The following ADGRL2 variants were observed in gnomAD, a reference collection of about 807,000 sequenced individuals.
ADGRL2 encodes the protein calcium-independent alpha-latrotoxin receptor 2.
ADGRL2 carries 44 observed loss-of-function variants against 157.4 expected under a neutral mutation model. That is an observed-to-expected ratio of 0.28 (90% CI 0.22 to 0.36). The LOEUF is 0.36. ADGRL2 is among the 10% of genes least tolerant of loss of function. The pLI, the probability that ADGRL2 is intolerant of heterozygous loss-of-function variation, is 1.00. For synonymous variants in ADGRL2, 585 were observed against 624.7 expected (o/e 0.94, Z 0.95); for missense variants, 1,510 against 1,768.9 (o/e 0.85, Z 2.63).
intron 2 of ADGRL2, among the ~76,000 whole-genome samples, chr1:81,489,144 G>A (rs1037501934): frequency 1.1e-4 from 16 of 152,184 alleles, no homozygotes; most frequent in African/African-American, 3.9e-4. Flanking sequence ...GGCTGAGGCA[G>A]GAGAATCACT....
chr1:81,430,024 G>C (rs2077291508), intron 1 of ADGRL2, among the ~76,000 whole-genome samples: 1 of 152,150 alleles, frequency 6.6e-6, no homozygotes, highest in African/African-American at 2.4e-5. Flanking sequence ...CTCCCGAGTA[G>C]CTGGGATTAC....
At chr1:81,662,501 C>T (rs1341443310) in intron 3 of ADGRL2, among the ~76,000 whole-genome samples, 11 of 151,506 alleles carry the variant, frequency 7.3e-5, no homozygotes, top group Non-Finnish European at 1.3e-4. Flanking sequence ...GCCTTGGCCT[C>T]CCAAAGTGCT....
intron 14 of ADGRL2, among the ~76,000 whole-genome samples, chr1:81,968,597 C>T (rs1264304951): frequency 6.6e-6 from 1 of 152,106 alleles, no homozygotes; most frequent in Non-Finnish European, 1.5e-5. Flanking sequence ...GCACATTGTG[C>T]AAAGCTGCAT....
intron 3 of ADGRL2, among the ~76,000 whole-genome samples, chr1:81,617,438 A>G (rs2081683394): frequency 6.6e-6 from 1 of 152,202 alleles, no homozygotes; most frequent in Non-Finnish European, 1.5e-5. Flanking sequence ...TCTTGGAAAA[A>G]TAGCAGGCAA....
chr1:81,600,997 T>G (rs916714870), intron 3 of ADGRL2, among the ~76,000 whole-genome samples: 1 of 152,206 alleles, frequency 6.6e-6, no homozygotes, highest in South Asian at 2.1e-4. Flanking sequence ...AAGAGAGAGC[T>G]GCTGATCGAC....
intron 10 of ADGRL2, 118 bp downstream of exon 10, chr1:81,953,143 T>C: frequency 2.6e-6 from 2 of 781,204 alleles, no homozygotes; most frequent in East Asian, 5.0e-5. Context: ...ATGTGCCCCA[T>C]ATCAGCTGTA....
chr1:81,540,040 G>A (rs1334038768), intron 2 of ADGRL2, among the ~76,000 whole-genome samples: 1 of 152,076 alleles, frequency 6.6e-6, no homozygotes, highest in Non-Finnish European at 1.5e-5. Context: ...AATTCTGGTT[G>A]TACTGCTAAC....
Position 81,966,044 on chromosome 1 carries a change from T to A in ADGRL2, c.2018-14T>A. On this transcript the variant is annotated splice_polypyrimidine_tract_variant and intron_variant, in intron 11 of 23. Transcript: ENST00000686636. The stretch of plus-strand genomic sequence containing the variant: ...CCTTTTTTCCCCACCTCCTTTATCT[T>A]TTCCCTCATCCAGTCCTGGAAGTTG... 1 of 1,613,168 alleles carries A rather than the reference T, an allele frequency of 6.2e-7. No homozygotes were observed. The highest frequency in any genetic ancestry group is 8.5e-7 in the Non-Finnish European group (1 of 1,179,440).
intron 2 of ADGRL2, among the ~76,000 whole-genome samples, chr1:81,575,445 T>C (rs964043718): frequency 2.1e-5 from 3 of 143,436 alleles, no homozygotes; most frequent in African/African-American, 7.3e-5. Context: ...GCTAATCATT[T>C]CGTATAAATC....
At chr1:81,783,786 T>A (rs1001681291) in intron 2 of ADGRL2, among the ~76,000 whole-genome samples, 3 of 152,082 alleles carry the variant, frequency 2.0e-5, no homozygotes, top group Middle Eastern at 3.2e-3. Flanking sequence ...CTTATACAAG[T>A]TTAGGTATTT....
chr1:81,969,156 C>T, intron 14 of ADGRL2, 22 bp from the exon 15 acceptor site: 1 of 1,543,338 alleles, frequency 6.5e-7, no homozygotes, highest in Non-Finnish European at 9.0e-7. Context: ...TACTAATGTT[C>T]CTCATATCTT....
At chr1:81,874,285 G>T (rs771960727) in intron 2 of ADGRL2, among the ~76,000 whole-genome samples, 1 of 152,074 alleles carries the variant, frequency 6.6e-6, no homozygotes, top group African/African-American at 2.4e-5. Flanking sequence ...GCTTTATAGT[G>T]TCAGTTGTAC....
At chr1:81,358,195 C>A (rs1385911527) in intron 1 of ADGRL2, among the ~76,000 whole-genome samples, 1 of 152,136 alleles carries the variant, frequency 6.6e-6, no homozygotes, top group African/African-American at 2.4e-5. Context: ...AGATTTTAGA[C>A]TTTTTAAACT....
chr1:81,933,439 G>A (rs1305863707), intron 3 of ADGRL2, among the ~76,000 whole-genome samples: 2 of 152,170 alleles, frequency 1.3e-5, no homozygotes, highest in Non-Finnish European at 2.9e-5. Context: ...AGTCATGCCA[G>A]GAACTGTGCC....
chr1:81,914,357 GA>G (rs2094806536), intron 3 of ADGRL2, among the ~76,000 whole-genome samples: 2 of 152,002 alleles, frequency 1.3e-5, no homozygotes, highest in Admixed American at 1.3e-4. Flanking sequence ...TTTTCAAAGG[GA>G]AAAATTAGTG....
At chr1:81,840,403 C>T (rs541936571) in intron 2 of ADGRL2, among the ~76,000 whole-genome samples, 2 of 151,950 alleles carry the variant, frequency 1.3e-5, no homozygotes, top group African/African-American at 4.8e-5. Context: ...TTAAAGGCTT[C>T]ACATAATTTT....
intron 3 of ADGRL2, among the ~76,000 whole-genome samples, chr1:81,615,843 C>T (rs2081634501): frequency 6.6e-6 from 1 of 152,172 alleles, no homozygotes. Context: ...TAGGAAGAAG[C>T]GATCCAGTGC....
At chr1:81,622,341 G>T (rs2081811893) in intron 3 of ADGRL2, among the ~76,000 whole-genome samples, 1 of 152,102 alleles carries the variant, frequency 6.6e-6, no homozygotes, top group African/African-American at 2.4e-5. Flanking sequence ...CCAGCACTTT[G>T]GGAGGCCGAG....
At chr1:81,544,130 C>A (rs1483141302) in intron 2 of ADGRL2, among the ~76,000 whole-genome samples, 1 of 152,132 alleles carries the variant, frequency 6.6e-6, no homozygotes, top group Non-Finnish European at 1.5e-5. Context: ...CCTGGATCCA[C>A]TGCATTTATC....
Sources: allele counts gnomAD v4.1 joint callset (sites outside exome capture counted in the v4.1 genomes callset), GRCh38; gene constraint gnomAD v4.1.1; transcripts MANE v1.5; gene names NCBI Gene and HGNC (gene_info 2026-07-23, HGNC 2026-07-21).